Variants in XKR6 observed in about 807,000 individuals in gnomAD.
XKR6 encodes XK related 6, also known as XK-related protein 6.
XKR6 carries 22 observed loss-of-function variants against 56.7 expected under a neutral mutation model. The observed-to-expected ratio is 0.39, with a 90% CI of 0.28 to 0.55. The LOEUF is 0.55. XKR6 is among the 20% of genes least tolerant of loss of function. XKR6 has a pLI of 0.66. For synonymous variants in XKR6, 524 were observed against 387.8 expected (o/e 1.35, Z -4.13); for missense variants, 852 against 889.0 (o/e 0.96, Z 0.53).
intron 1 of XKR6, among the ~76,000 whole-genome samples, chr8:11,172,840 A>G (rs1023980591): frequency 1.3e-5 from 2 of 152,208 alleles, no homozygotes; most frequent in African/African-American, 2.4e-5. Context: ...AAAACACTAC[A>G]GAAGATTCAC....
intron 1 of XKR6, chr8:11,136,860 A>T (rs1715874029): frequency 6.6e-6 from 1 of 152,150 alleles, no homozygotes; most frequent in Non-Finnish European, 1.5e-5. Flanking sequence ...CACAGAGAAC[A>T]CCTACACACA....
At chr8:11,011,102 G>C (rs1353397701) in intron 1 of XKR6, among the ~76,000 whole-genome samples, 2 of 152,212 alleles carry the variant, frequency 1.3e-5, no homozygotes, top group Non-Finnish European at 2.9e-5. Context: ...CTTGCCTGAA[G>C]TCCTACAGCA....
At chr8:11,063,516 CAA>C (rs35995429) in intron 1 of XKR6, among the ~76,000 whole-genome samples, 81 of 120,646 alleles carry the variant, frequency 6.7e-4, no homozygotes, top group Non-Finnish European at 8.2e-4. Context: ...GGCCCTGTCT[CAA>C]AAAAAAAAAA....
At chr8:11,086,247 T>G (rs992728495) in intron 1 of XKR6, among the ~76,000 whole-genome samples, 1 of 151,910 alleles carries the variant, frequency 6.6e-6, no homozygotes, top group Non-Finnish European at 1.5e-5. Context: ...AAATGTAAAT[T>G]AGTTATCTGA....
intron 1 of XKR6, chr8:11,124,201 C>T: frequency 2.8e-6 from 1 of 355,158 alleles, no homozygotes; most frequent in Middle Eastern, 6.3e-4. Flanking sequence ...AAAAGCCAAC[C>T]TTAATGCTAT....
intron 1 of XKR6, among the ~76,000 whole-genome samples, chr8:10,973,017 C>A (rs1382741670): frequency 6.6e-6 from 1 of 152,200 alleles, no homozygotes; most frequent in Admixed American, 6.5e-5. Context: ...TTTGCCCATT[C>A]AGTAGGACTT....
intron 1 of XKR6, among the ~76,000 whole-genome samples, chr8:11,004,476 A>AAAAT (rs59808833): frequency 0.32 from 48,361 of 150,514 alleles, 10,142 homozygotes; most frequent in African/African-American, 0.6. Context: ...GTCCATCTCA[A>AAAAT]AAATAAATAA....
At chr8:11,148,740 G>A (rs1801119309) in intron 1 of XKR6, among the ~76,000 whole-genome samples, 1 of 152,156 alleles carries the variant, frequency 6.6e-6, no homozygotes, top group African/African-American at 2.4e-5. Flanking sequence ...TTCACATCAT[G>A]TTTATTTGTA....
At chr8:10,955,461 G>A (rs1383601696) in intron 1 of XKR6, among the ~76,000 whole-genome samples, 1 of 152,132 alleles carries the variant, frequency 6.6e-6, no homozygotes, top group Non-Finnish European at 1.5e-5. Flanking sequence ...AATTGCAGGG[G>A]CTCACCACCA....
chr8:11,059,471 C>G (rs1799772481), intron 1 of XKR6, among the ~76,000 whole-genome samples: 1 of 152,128 alleles, frequency 6.6e-6, no homozygotes, highest in African/African-American at 2.4e-5. Flanking sequence ...AGAAGGAGGC[C>G]CCGCCCGACA....
chr8:11,040,483 G>A (rs1441817631), intron 1 of XKR6, among the ~76,000 whole-genome samples: 4 of 152,050 alleles, frequency 2.6e-5, no homozygotes, highest in Non-Finnish European at 4.4e-5. Flanking sequence ...AGTGAGCCAT[G>A]ATTGCACCAC....
chr8:11,049,695 C>T (rs988835416), intron 1 of XKR6, among the ~76,000 whole-genome samples: 2 of 152,186 alleles, frequency 1.3e-5, no homozygotes, highest in African/African-American at 4.8e-5. Context: ...CCAGTGTTAA[C>T]ACTGGAAACA....
At chr8:10,912,851 T>G (rs1166405671) in intron 2 of XKR6, among the ~76,000 whole-genome samples, 1 of 122,964 alleles carries the variant, frequency 8.1e-6, no homozygotes, top group Non-Finnish European at 1.7e-5. Flanking sequence ...GAGAAAGAGA[T>G]AGGGTGTGTG....
chr8:10,995,781 C>T (rs1173836284), intron 1 of XKR6, among the ~76,000 whole-genome samples: 2 of 151,974 alleles, frequency 1.3e-5, no homozygotes, highest in Non-Finnish European at 2.9e-5. Context: ...TGCACCTGGC[C>T]AGAGGGTGAA....
intron 1 of XKR6, among the ~76,000 whole-genome samples, chr8:11,192,867 G>A (rs1297053552): frequency 6.6e-6 from 1 of 152,188 alleles, no homozygotes; most frequent in African/African-American, 2.4e-5. Flanking sequence ...GAGAAAGTCA[G>A]GCACCTGCCC....
chr8:10,913,702 C>T (rs1800475688), intron 2 of XKR6, among the ~76,000 whole-genome samples: 1 of 152,230 alleles, frequency 6.6e-6, no homozygotes, highest in Non-Finnish European at 1.5e-5. Flanking sequence ...TGTGCAAAGC[C>T]AGGCCCCTTT....
chr8:11,146,106 T>G (rs76598258), intron 1 of XKR6, among the ~76,000 whole-genome samples: 1 of 152,142 alleles, frequency 6.6e-6, no homozygotes, highest in Non-Finnish European at 1.5e-5. Context: ...TTTCAACAAA[T>G]AGTAATAGAA....
intron 1 of XKR6, among the ~76,000 whole-genome samples, chr8:11,102,141 C>T (rs775194752): frequency 6.6e-6 from 1 of 152,126 alleles, no homozygotes; most frequent in Non-Finnish European, 1.5e-5. Context: ...GTGGGTCAAT[C>T]CCAACTGACA....
In XKR6 at chr8:11,201,378, G is replaced by T; in HGVS notation, c.-39C>A. ...CCAGCTCCGGAGGTTGGGGGGGAGG[G>T]ACGGCGGGGGGGGGGGGAAGAAGGC... On this transcript the variant is annotated 5_prime_UTR_variant, in exon 1 of 3. Coordinates refer to ENST00000416569, the MANE Select transcript of XKR6 (RefSeq NM_173683.4). 2 of 1,019,218 alleles carry T rather than the reference G, an allele frequency of 2.0e-6. No individual in the cohort carries two copies. The highest frequency in any genetic ancestry group is 2.6e-6 in the Non-Finnish European group (2 of 784,146). The allele number at this position is 1,019,218 out of a possible 1,614,324, so 63.1% of individuals were successfully genotyped here.
Sources: allele counts gnomAD v4.1 joint callset (sites outside exome capture counted in the v4.1 genomes callset), GRCh38; gene constraint gnomAD v4.1.1; transcripts MANE v1.5; gene names NCBI Gene and HGNC (gene_info 2026-07-23, HGNC 2026-07-21).